FKBP1B: variants seen among roughly 807,000 people sequenced by gnomAD.
FKBP1B encodes peptidyl-prolyl cis-trans isomerase FKBP1B.
In FKBP1B, 4 loss-of-function variants were observed where a neutral mutation model predicts 13.5. The ratio of observed to expected loss-of-function variants is 0.30; its 90% CI spans 0.15 to 0.68. FKBP1B has a LOEUF of 0.68. Ranked by LOEUF, FKBP1B falls within the 30% of genes least tolerant of loss-of-function variation. The pLI is 0.76. For missense variants in FKBP1B, 93 were observed against 136.2 expected (o/e 0.68, Z 1.58); for synonymous variants, 54 against 53.6 (o/e 1.01, Z -0.03).
At chr2:24,038,234 G>C in the FKBP1B span, 2 of 1,614,106 alleles carry the variant, frequency 1.2e-6, no homozygotes, top group Non-Finnish European at 1.7e-6. Context: ...ATGGCATACT[G>C]ATCAGACTTT....
chr2:24,057,600 C>G lies in FKBP1B; in HGVS notation c.86-3214C>G, dbSNP rs1664191029. On this transcript the variant is annotated intron_variant, in intron 2 of 3. Coordinates refer to ENST00000380986, the MANE Select transcript of FKBP1B (RefSeq NM_004116.5). ...GTTGGTCAGGCTGGTCTCGAACTCCCTACCTCAGGTGATCTGCTCGCCTCG... is the reference window on the plus strand; with the variant it reads ...GTTGGTCAGGCTGGTCTCGAACTCCGTACCTCAGGTGATCTGCTCGCCTCG... 2.6e-5 allele frequency among the ~76,000 whole-genome samples: 4 copies of G among 151,910 alleles called. No homozygotes were observed. The South Asian group carries it at 6.2e-4, about 24-fold the overall frequency.
the FKBP1B span, among the ~76,000 whole-genome samples, chr2:24,043,033 CAA>C: frequency 4.4e-5 from 6 of 135,080 alleles, no homozygotes; most frequent in Non-Finnish European, 4.7e-5. Context: ...AACTCCGTCT[CAA>C]AAAAAAAAAA....
chr2:24,040,129 A>G, the FKBP1B span, among the ~76,000 whole-genome samples: 1 of 152,100 alleles, frequency 6.6e-6, no homozygotes, highest in Non-Finnish European at 1.5e-5. Context: ...AAGTGTGAAC[A>G]TGGTATTGTG....
At chr2:24,042,495 C>G in the FKBP1B span, among the ~76,000 whole-genome samples, 1 of 145,542 alleles carries the variant, frequency 6.9e-6, no homozygotes, top group African/African-American at 2.6e-5. Context: ...GAGATCGCAC[C>G]ACTGCACTCC....
chr2:24,047,681 C>G (rs2150957311), upstream of FKBP1B, among the ~76,000 whole-genome samples: 1 of 152,206 alleles, frequency 6.6e-6, no homozygotes, highest in East Asian at 1.9e-4. Flanking sequence ...CGTCGGTTCT[C>G]TTGTCTAAGG....
At chr2:24,049,684 T>C (rs966000075), upstream of FKBP1B, 1 of 449,512 alleles carries the variant, frequency 2.2e-6, no homozygotes, top group Non-Finnish European at 3.6e-6. Flanking sequence ...CGCCGCCCCC[T>C]TGCCAGTGGC....
the FKBP1B span, among the ~76,000 whole-genome samples, chr2:24,040,782 T>C: frequency 9.8e-5 from 15 of 152,340 alleles, no homozygotes; most frequent in East Asian, 2.9e-3. Context: ...TTTGGGAGGC[T>C]GAGACGGGAG....
chr2:24,050,028 G>A lies in FKBP1B; in HGVS notation c.37+142G>A, dbSNP rs1663786875. The A allele has an allele frequency of 1.8e-6, 1 of 540,698 alleles. No individual in the cohort carries two copies. Among genetic ancestry groups the A allele is most frequent in the African/African-American group, 2.0e-5 (1 of 50,950 alleles). The allele number at this position is 540,698 out of a possible 1,614,324, so 33.5% of individuals were successfully genotyped here. ...GGAAGGCAGGCGGAGACGCCGGACG[G>A]GATTCTTGGGGGTCTAGGAGACCAT... On this transcript the variant is annotated intron_variant, in intron 1 of 3. Coordinates refer to ENST00000380986, the MANE Select transcript of FKBP1B (RefSeq NM_004116.5). This position sits in a 1 kb window ranked among gnomAD's most constrained non-coding sequence, Gnocchi z 5.8.
the FKBP1B span, chr2:24,038,527 G>T: frequency 6.2e-7 from 1 of 1,614,212 alleles, no homozygotes; most frequent in Non-Finnish European, 8.5e-7. Context: ...CTTCTTAAAG[G>T]TCACAAGGAC....
chr2:24,037,865 G>A, the FKBP1B span: 1 of 1,614,104 alleles, frequency 6.2e-7, no homozygotes, highest in Non-Finnish European at 8.5e-7. Flanking sequence ...TTCTTTCTTT[G>A]AGGCAAACGA....
the FKBP1B span, among the ~76,000 whole-genome samples, chr2:24,035,570 GAAAGAA>G: frequency 6.6e-6 from 1 of 151,824 alleles, no homozygotes; most frequent in Non-Finnish European, 1.5e-5. Context: ...GTCATAGTAG[GAAAGAA>G]ATCCAAACCA....
chr2:24,048,656 C>A (rs1249209890), upstream of FKBP1B, among the ~76,000 whole-genome samples: 1 of 151,758 alleles, frequency 6.6e-6, no homozygotes, highest in Non-Finnish European at 1.5e-5. Flanking sequence ...TGGAACAATG[C>A]AGGTAATAAT....
At position 24,063,222 on chromosome 2, in the gene FKBP1B, A is replaced by T. The variant is rs756311037; in HGVS notation, c.*30A>T. On this transcript the variant is annotated 3_prime_UTR_variant, in exon 4 of 4. Coordinates refer to ENST00000380986, the MANE Select transcript of FKBP1B (RefSeq NM_004116.5). ...AGGAAGGAACTCAAGGTGGCTGGAG[A>T]TGGCTGCTGCTCACCCTCCTAGCCT... 6 of 1,553,880 alleles carry T rather than the reference A, an allele frequency of 3.9e-6. No individual in the cohort carries two copies. In the East Asian group the frequency reaches 1.1e-4, roughly 29 times the overall value.
chr2:24,042,227 C>T, the FKBP1B span, among the ~76,000 whole-genome samples: 1 of 151,868 alleles, frequency 6.6e-6, no homozygotes, highest in African/African-American at 2.4e-5. Flanking sequence ...CGTGGAGAAA[C>T]CCCATCTCTA....
Position 24,063,469 on chromosome 2 carries a change from GATCTCTTGTT to G in FKBP1B, c.*278_*287del. On this transcript the variant is annotated 3_prime_UTR_variant, in exon 4 of 4. Transcript: ENST00000380986. ...TAGCCTTTCCTGATGACAGAACACA[GATCTCTTGTT>G]CGCACAATCTACACTGCCTTACCTT... 8.3e-6 allele frequency: 3 copies of G among 362,586 alleles called. No homozygotes were observed. Among genetic ancestry groups the G allele is most frequent in the Non-Finnish European group, 4.9e-6 (1 of 202,160 alleles). The allele number at this position is 362,586 out of a possible 1,614,324, so 22.5% of individuals were successfully genotyped here. A position where few individuals can be genotyped will look rare whatever the true frequency, so the allele number is the denominator to read the frequency against.
In FKBP1B at chr2:24,053,918, G is replaced by A; in HGVS notation, c.54G>A (p.Lys18=). 1 of 1,614,180 alleles carries A rather than the reference G, an allele frequency of 6.2e-7. No homozygotes were observed. Among genetic ancestry groups the A allele is most frequent in the Non-Finnish European group, 8.5e-7 (1 of 1,180,024 alleles). The change falls in exon 2 of 4, where the codon AAG becomes AAA. Residue 18 remains lysine, a synonymous_variant. Transcript: ENST00000380986. ...ISPGDGRTFP[K]KGQTCVVHYT... is the part of the protein sequence containing the mutation. Reference sequence around the variant, plus strand: ...TCCCTGCAGGAAGGACATTCCCCAAGAAGGGCCAAACGTGTGTGGTGCACT... The same window carrying A: ...TCCCTGCAGGAAGGACATTCCCCAAAAAGGGCCAAACGTGTGTGGTGCACT...
chr2:24,056,737 C>T (rs1053910571), intron 2 of FKBP1B, among the ~76,000 whole-genome samples: 2 of 152,146 alleles, frequency 1.3e-5, no homozygotes, highest in African/African-American at 4.8e-5. Flanking sequence ...GTTGCTCAGG[C>T]TGGAGTGCAA....
At chr2:24,061,330 T>C (rs1664384856) in intron 3 of FKBP1B, among the ~76,000 whole-genome samples, 1 of 152,170 alleles carries the variant, frequency 6.6e-6, no homozygotes, top group Non-Finnish European at 1.5e-5. Context: ...GGTGCATGCC[T>C]GTAATCCCAG....
In FKBP1B at chr2:24,058,258, C is replaced by A. The variant is rs185236878; in HGVS notation, c.86-2556C>A. Among the ~76,000 whole-genome samples, 3 of 150,200 alleles carry A rather than the reference C, an allele frequency of 2.0e-5. No individual in the cohort carries two copies. The East Asian group carries it at 5.8e-4, about 29-fold the overall frequency. ...ATGAAGATATCCTTCTATTTGTTAT[C>A]TTGTAGAAGCTTTATTATTCTATCT... On this transcript the variant is annotated intron_variant, in intron 2 of 3. Transcript: ENST00000380986.
Sources: gnomAD v4.1 joint callset for allele counts (sites outside exome capture counted in the v4.1 genomes callset) on GRCh38, gnomAD v4.1.1 for gene constraint, Gnocchi (gnomAD v3.1) non-coding constraint, MANE v1.5 for transcripts, NCBI Gene and HGNC (gene_info 2026-07-23, HGNC 2026-07-21) for gene names.